The following ALK variants were observed in gnomAD, a reference collection of about 807,000 sequenced individuals.
ALK encodes the protein ALK tyrosine kinase receptor.
In ALK, 74 loss-of-function variants were observed where a neutral mutation model predicts 163.1. The observed-to-expected ratio is 0.45, with a 90% CI of 0.38 to 0.55. The LOEUF is 0.55. Ranked by LOEUF, ALK falls within the 20% of genes least tolerant of loss-of-function variation. The pLI is 0.00. For missense variants in ALK, 2,063 were observed against 2,105.3 expected, an observed-to-expected ratio of 0.98 and a Z score of 0.39; for synonymous variants, 960 against 843.2, an observed-to-expected ratio of 1.14 and a Z score of -2.40.
chr2:29,445,268 A>T (rs1357971527), intron 4 of ALK, among the ~76,000 whole-genome samples: 1 of 152,228 alleles, frequency 6.6e-6, no homozygotes, highest in African/African-American at 2.4e-5. Context: ...TGCAATGAAA[A>T]AGGTCCCATG....
At chr2:29,812,441 A>T (rs1664781840) in intron 1 of ALK, among the ~76,000 whole-genome samples, 1 of 152,172 alleles carries the variant, frequency 6.6e-6, no homozygotes, top group African/African-American at 2.4e-5. Flanking sequence ...GCACTGGGTG[A>T]GCTGACTGCA....
chr2:29,325,073 T>G (rs1667211358), intron 6 of ALK, among the ~76,000 whole-genome samples: 1 of 152,072 alleles, frequency 6.6e-6, no homozygotes, highest in African/African-American at 2.4e-5. Flanking sequence ...GTGTGGGGAG[T>G]TGAGGCTGGC....
At chr2:29,793,117 A>G (rs1166588180) in intron 1 of ALK, among the ~76,000 whole-genome samples, 1 of 152,138 alleles carries the variant, frequency 6.6e-6, no homozygotes, top group Non-Finnish European at 1.5e-5. Flanking sequence ...AATATTTTAA[A>G]CCCTTTGCTG....
intron 8 of ALK, among the ~76,000 whole-genome samples, chr2:29,304,329 C>G (rs773468533): frequency 4.6e-5 from 7 of 151,976 alleles, no homozygotes; most frequent in Non-Finnish European, 7.4e-5. Flanking sequence ...AACCCTGTCT[C>G]TACTAAAAGT....
chr2:29,692,443 C>A (rs779330605), intron 3 of ALK, among the ~76,000 whole-genome samples: 3 of 152,196 alleles, frequency 2.0e-5, no homozygotes, highest in Non-Finnish European at 4.4e-5. Flanking sequence ...AATTTTTCCA[C>A]GGATGGTTTT....
At chr2:29,526,064 G>C (rs993457990) in intron 4 of ALK, among the ~76,000 whole-genome samples, 6 of 152,194 alleles carry the variant, frequency 3.9e-5, no homozygotes, top group Non-Finnish European at 8.8e-5. Context: ...AGGGGTTTAA[G>C]TGAAATCTGT....
At chr2:29,301,192 T>C (rs1666357891) in intron 8 of ALK, among the ~76,000 whole-genome samples, 1 of 152,242 alleles carries the variant, frequency 6.6e-6, no homozygotes, top group Admixed American at 6.5e-5. Flanking sequence ...ATACTTTTTA[T>C]TCTTTTGTTT....
At chr2:29,735,464 G>C (rs745607294) in intron 1 of ALK, among the ~76,000 whole-genome samples, 1 of 151,978 alleles carries the variant, frequency 6.6e-6, no homozygotes, top group Non-Finnish European at 1.5e-5. Flanking sequence ...AATAGTAATA[G>C]TAGTAGTAAG....
chr2:29,741,003 G>GA (rs1457894072), intron 1 of ALK, among the ~76,000 whole-genome samples: 3 of 151,632 alleles, frequency 2.0e-5, no homozygotes, highest in East Asian at 3.9e-4. Flanking sequence ...CTCTGCCTCA[G>GA]AAAAAAATAA....
At chr2:29,538,210 A>C (rs1673313337) in intron 3 of ALK, among the ~76,000 whole-genome samples, 1 of 152,148 alleles carries the variant, frequency 6.6e-6, no homozygotes, top group East Asian at 1.9e-4. Context: ...GGGGTGAAAT[A>C]ATATGGTTTG....
At chr2:29,763,059 C>T (rs1483615828) in intron 1 of ALK, among the ~76,000 whole-genome samples, 1 of 148,362 alleles carries the variant, frequency 6.7e-6, no homozygotes, top group East Asian at 2.0e-4. Flanking sequence ...TGCACTCGAG[C>T]CTAGGCGACA....
At chr2:29,209,295 C>T (rs1157386505) in intron 25 of ALK, among the ~76,000 whole-genome samples, 2 of 152,120 alleles carry the variant, frequency 1.3e-5, no homozygotes, top group Non-Finnish European at 2.9e-5. Flanking sequence ...AATCCCAGCA[C>T]TTTGGGAAGC....
At chr2:29,696,939 A>AT in intron 2 of ALK, among the ~76,000 whole-genome samples, 1 of 143,672 alleles carries the variant, frequency 7.0e-6, no homozygotes, top group Middle Eastern at 3.4e-3. Context: ...AAAAAAAATA[A>AT]AATAAAATAA....
intron 1 of ALK, among the ~76,000 whole-genome samples, chr2:29,808,657 A>G (rs1664677651): frequency 6.6e-6 from 1 of 152,132 alleles, no homozygotes; most frequent in Non-Finnish European, 1.5e-5. Context: ...CCCCCATAGG[A>G]GGCAGTGGCC....
intron 3 of ALK, among the ~76,000 whole-genome samples, chr2:29,532,914 C>G (rs927249453): frequency 6.6e-6 from 1 of 152,230 alleles, no homozygotes; most frequent in Non-Finnish European, 1.5e-5. Flanking sequence ...TGGGAAGCAG[C>G]TAATGAGTAC....
At chr2:29,301,952 CT>C (rs762413365) in intron 8 of ALK, among the ~76,000 whole-genome samples, 8 of 152,230 alleles carry the variant, frequency 5.3e-5, no homozygotes, top group Admixed American at 2.6e-4. Context: ...CAGATAGTTA[CT>C]GCACTCCTAC....
chr2:29,485,983 A>C (rs533397678), intron 4 of ALK, among the ~76,000 whole-genome samples: 1 of 152,276 alleles, frequency 6.6e-6, no homozygotes, highest in South Asian at 2.1e-4. Context: ...TTTATCACAC[A>C]GAGGCCAAAT....
At chr2:29,199,310 A>G (rs2148145154) in intron 26 of ALK, among the ~76,000 whole-genome samples, 1 of 152,228 alleles carries the variant, frequency 6.6e-6, no homozygotes, top group Middle Eastern at 3.4e-3. Context: ...TTATTTTTAG[A>G]TAGTCAAACC....
intron 11 of ALK, among the ~76,000 whole-genome samples, chr2:29,267,562 C>T (rs1359799599): frequency 6.6e-6 from 1 of 151,866 alleles, no homozygotes; most frequent in Non-Finnish European, 1.5e-5. Flanking sequence ...TGCCCTGTGC[C>T]CTCTCTCTCC....
Sources: gnomAD v4.1 joint callset for allele counts (sites outside exome capture counted in the v4.1 genomes callset) on GRCh38, gnomAD v4.1.1 for gene constraint, MANE v1.5 for transcripts, NCBI Gene and HGNC (gene_info 2026-07-23, HGNC 2026-07-21) for gene names.